PRPS2: variants seen among roughly 807,000 people sequenced by gnomAD.
The protein encoded by PRPS2 is phosphoribosyl pyrophosphate synthetase 2, also known as ribose-phosphate pyrophosphokinase 2.
For synonymous variants in PRPS2, 111 were observed against 115.3 expected, an observed-to-expected ratio of 0.96 and a Z score of 0.24; for missense variants, 104 against 271.5, an observed-to-expected ratio of 0.38 and a Z score of 4.34.
chrX:12,818,332 C>T (rs1195711307), intron 4 of PRPS2, among the ~76,000 whole-genome samples: 1 of 99,406 alleles, frequency 1.0e-5, no homozygotes, highest in African/African-American at 3.8e-5. Context: ...TGTGCCATTG[C>T]ACTCCAGCCT....
chrX:12,814,600 G>A (rs1489923136), intron 4 of PRPS2, among the ~76,000 whole-genome samples: 1 of 112,041 alleles, frequency 8.9e-6, no homozygotes, highest in Admixed American at 9.5e-5. Context: ...AGCTTGACTC[G>A]TTCCGGGTAA....
intron 1 of PRPS2, among the ~76,000 whole-genome samples, chrX:12,794,351 A>G (rs2042533639): frequency 8.9e-6 from 1 of 111,776 alleles, no homozygotes; most frequent in African/African-American, 3.3e-5. Context: ...TCCTTACAGC[A>G]TGGAAGCTGG....
chrX:12,797,603 G>A (rs2042550900), intron 1 of PRPS2, among the ~76,000 whole-genome samples: 1 of 111,705 alleles, frequency 9.0e-6, no homozygotes, highest in Non-Finnish European at 1.9e-5. Context: ...AAGAAAACAT[G>A]AAATTCATGC....
chrX:12,800,688 T>C (rs190881327), intron 2 of PRPS2, among the ~76,000 whole-genome samples: 26 of 112,032 alleles, frequency 2.3e-4, no homozygotes, highest in South Asian at 3.8e-4. Flanking sequence ...CCATAATTCA[T>C]TTCTGAAACA....
chrX:12,810,156 A>G lies in PRPS2; in HGVS notation c.530+10A>G. The G allele has an allele frequency of 8.3e-7, 1 of 1,208,503 alleles. No homozygotes were observed. The highest frequency in any genetic ancestry group is 1.8e-5 in the South Asian group (1 of 55,842). ...CAGGGGGAGCCAAAAGGTATCATGCAGGCTACACCTTGCAGATTTCTCCAT... is the reference window on the plus strand; with the variant it reads ...CAGGGGGAGCCAAAAGGTATCATGCGGGCTACACCTTGCAGATTTCTCCAT... On this transcript the variant is annotated intron_variant, in intron 4 of 6. Transcript: ENST00000380668.
At chrX:12,799,614 A>G (rs2042559904) in intron 2 of PRPS2, among the ~76,000 whole-genome samples, 1 of 112,485 alleles carries the variant, frequency 8.9e-6, no homozygotes, top group African/African-American at 3.2e-5. Context: ...GTATTAAAAT[A>G]CCATTATTGT....
At chrX:12,818,908 G>A (rs979803259) in intron 4 of PRPS2, among the ~76,000 whole-genome samples, 5 of 110,327 alleles carry the variant, frequency 4.5e-5, no homozygotes, top group Non-Finnish European at 9.5e-5. Flanking sequence ...TGTTGTCCAG[G>A]CTGTATTCGA....
intron 4 of PRPS2, among the ~76,000 whole-genome samples, chrX:12,817,016 C>G (rs2042650710): frequency 9.1e-6 from 1 of 110,228 alleles, no homozygotes; most frequent in Admixed American, 9.6e-5. Context: ...TTCTTTGTCT[C>G]TTTTAAGCTT....
intron 1 of PRPS2, among the ~76,000 whole-genome samples, chrX:12,798,031 C>A (rs1472639009): frequency 8.9e-6 from 1 of 111,818 alleles, no homozygotes; most frequent in Non-Finnish European, 1.9e-5. Flanking sequence ...TAACCCAGGC[C>A]TGCCACCCCT....
In PRPS2 at chrX:12,797,040, A is replaced by G. The variant is rs73633506; in HGVS notation, c.123-2167A>G. Among the ~76,000 whole-genome samples the G allele has an allele frequency of 1.6e-3, 174 of 110,196 alleles. 1 individual carries two copies. Among genetic ancestry groups the G allele is most frequent in the African/African-American group, 5.6e-3 (169 of 30,263 alleles). Reference sequence around the variant, plus strand: ...GGATTAGGGTTCCTATCAAAATGGTAAAACACTGACATGTATTACATGCTC... The same window carrying G: ...GGATTAGGGTTCCTATCAAAATGGTGAAACACTGACATGTATTACATGCTC... On this transcript the variant is annotated intron_variant, in intron 1 of 6. Transcript: ENST00000380668.
At chrX:12,797,703 C>G (rs1239281765) in intron 1 of PRPS2, among the ~76,000 whole-genome samples, 1 of 112,025 alleles carries the variant, frequency 8.9e-6, no homozygotes. Context: ...TTGGTTTGGA[C>G]GCAGAGCTCT....
chrX:12,799,905 C>T (rs1271497815), intron 2 of PRPS2, among the ~76,000 whole-genome samples: 1 of 111,556 alleles, frequency 9.0e-6, no homozygotes, highest in Non-Finnish European at 1.9e-5. Flanking sequence ...AAAAAAAACC[C>T]ATGATCTCTT....
At chrX:12,796,506 C>G (rs183561109) in intron 1 of PRPS2, among the ~76,000 whole-genome samples, 1 of 111,548 alleles carries the variant, frequency 9.0e-6, no homozygotes, top group Non-Finnish European at 1.9e-5. Flanking sequence ...CGTGAGCCAC[C>G]GCGCCCAGCC....
At chrX:12,809,947 G>A (rs1323040982) in intron 3 of PRPS2, 75 bp from the exon 4 acceptor site, 65 of 1,070,942 alleles carry the variant, frequency 6.1e-5, no homozygotes, top group South Asian at 2.9e-4. Context: ...TAATGAAAGC[G>A]ATTATCGTTT....
chrX:12,819,181 ACTTT>A (rs1178859160), intron 4 of PRPS2, among the ~76,000 whole-genome samples: 1 of 112,864 alleles, frequency 8.9e-6, no homozygotes, highest in African/African-American at 3.2e-5. Context: ...TAAATAACTT[ACTTT>A]AAGTTGTACC....
chrX:12,821,742 C>T (rs779719797), intron 6 of PRPS2, among the ~76,000 whole-genome samples: 1 of 112,189 alleles, frequency 8.9e-6, no homozygotes, highest in Admixed American at 9.4e-5. Flanking sequence ...GGGGTGGGAG[C>T]AGCAGGCTGA....
At chrX:12,815,303 T>A (rs143369795) in intron 4 of PRPS2, among the ~76,000 whole-genome samples, 2,848 of 110,812 alleles carry the variant, frequency 0.026, 58 homozygotes, top group African/African-American at 0.073. Context: ...CAGTCCCACT[T>A]CCATGCCTAC....
intron 4 of PRPS2, among the ~76,000 whole-genome samples, chrX:12,816,704 A>G (rs1291755351): frequency 8.9e-6 from 1 of 111,873 alleles, no homozygotes; most frequent in Non-Finnish European, 1.9e-5. Context: ...ATTGATCAAT[A>G]TCTTTGCTTA....
At chrX:12,796,306 C>CT (rs2042543419) in intron 1 of PRPS2, among the ~76,000 whole-genome samples, 1 of 103,110 alleles carries the variant, frequency 9.7e-6, no homozygotes, top group Admixed American at 1.1e-4. Context: ...CTGCAAGCTC[C>CT]GCCTCCCGGG....
Sources: gnomAD v4.1 joint callset for allele counts (sites outside exome capture counted in the v4.1 genomes callset) on GRCh38, gnomAD v4.1.1 for gene constraint, MANE v1.5 for transcripts, NCBI Gene and HGNC (gene_info 2026-07-23, HGNC 2026-07-21) for gene names.